The following IGF1R variants were observed in gnomAD, a reference collection of about 807,000 sequenced individuals.
IGF1R encodes insulin-like growth factor 1 receptor.
Under a neutral mutation model 144.6 loss-of-function variants are expected in IGF1R, and 44 were observed. That is an observed-to-expected ratio of 0.30 (90% CI 0.24 to 0.39). The LOEUF (loss-of-function observed/expected upper bound fraction) is 0.39. Ranked by LOEUF, IGF1R falls within the 10% of genes least tolerant of loss-of-function variation. The pLI is 1.00. For missense variants in IGF1R, 1,355 were observed against 1,833.7 expected (o/e 0.74, Z 4.77); for synonymous variants, 795 against 722.8 (o/e 1.10, Z -1.60).
intron 19 of IGF1R, among the ~76,000 whole-genome samples, chr15:98,946,569 G>T (rs2016562039): frequency 6.6e-6 from 1 of 152,198 alleles, no homozygotes; most frequent in African/African-American, 2.4e-5. Context: ...GTGAGCCTGG[G>T]TGGACAGTTC....
chr15:98,889,250 A>G (rs991324044), intron 2 of IGF1R, among the ~76,000 whole-genome samples: 6 of 152,244 alleles, frequency 3.9e-5, no homozygotes, highest in African/African-American at 1.4e-4. Context: ...TTCAAGCTTG[A>G]CAGTATCATG....
intron 1 of IGF1R, among the ~76,000 whole-genome samples, chr15:98,674,245 G>T (rs12148129): frequency 0.91 from 138,759 of 152,238 alleles, 63,583 homozygotes; most frequent in Middle Eastern, 0.97. Flanking sequence ...TGGTCATGAT[G>T]GCTTTACATA....
intron 2 of IGF1R, among the ~76,000 whole-genome samples, chr15:98,725,828 A>G (rs564748632): frequency 5.9e-5 from 9 of 152,368 alleles, no homozygotes; most frequent in Middle Eastern, 3.4e-3. Context: ...ACATGGTGGC[A>G]GCAAGAGAAA....
chr15:98,748,661 A>G (rs908062022), intron 2 of IGF1R, among the ~76,000 whole-genome samples: 2 of 152,258 alleles, frequency 1.3e-5, no homozygotes, highest in Non-Finnish European at 2.9e-5. Context: ...AATCGCTTCT[A>G]TGACTTATAA....
At chr15:98,652,381 G>A (rs1378229578) in intron 1 of IGF1R, among the ~76,000 whole-genome samples, 3 of 152,206 alleles carry the variant, frequency 2.0e-5, no homozygotes, top group Non-Finnish European at 2.9e-5. Flanking sequence ...TGAAATGTTG[G>A]TGTTTAAAGA....
rs138696883 is a variant in IGF1R, at chr15:98,957,290, G to T, written c.3952G>T (p.Asp1318Tyr). 24 of 1,613,660 alleles carry T rather than the reference G, an allele frequency of 1.5e-5. No homozygotes were observed. The highest frequency in any genetic ancestry group is 1.9e-5 in the Non-Finnish European group (22 of 1,179,828). Residue 1318 changes from aspartate to tyrosine, a missense_variant, in exon 21 of 21, where the codon GAC becomes TAC. This residue lies in a region of IGF1R where 219 missense variants were observed against 188.8 expected (regional missense o/e 1.16). Transcript: ENST00000650285. ...CTCCTCGTCCTCCCTGCCACTGCCCGACAGACACTCAGGACACAAGGCCGA... is the reference window on the plus strand; with the variant it reads ...CTCCTCGTCCTCCCTGCCACTGCCCTACAGACACTCAGGACACAAGGCCGA... ...SASSSSLPLP[D>Y]RHSGHKAENG... is the part of the protein sequence containing the mutation.
chr15:98,701,161 G>A (rs1314945555), intron 1 of IGF1R, among the ~76,000 whole-genome samples: 1 of 151,972 alleles, frequency 6.6e-6, no homozygotes, highest in Non-Finnish European at 1.5e-5. Context: ...TCTCACATAA[G>A]CCCAAAGGTT....
At chr15:98,693,444 T>G (rs12591071) in intron 1 of IGF1R, among the ~76,000 whole-genome samples, 45,387 of 151,862 alleles carry the variant, frequency 0.3, 7,218 homozygotes, top group African/African-American at 0.41. Flanking sequence ...CTGCTGTCCT[T>G]CAGCCCTGCC....
chr15:98,857,749 C>T (rs1252057037), intron 2 of IGF1R, among the ~76,000 whole-genome samples: 1 of 152,166 alleles, frequency 6.6e-6, no homozygotes, highest in African/African-American at 2.4e-5. Context: ...TGAATAGCTA[C>T]ATGTGGCTAA....
intron 2 of IGF1R, among the ~76,000 whole-genome samples, chr15:98,755,713 C>T (rs1189986904): frequency 7.7e-5 from 3 of 38,978 alleles, no homozygotes; most frequent in Non-Finnish European, 1.4e-4. Context: ...AGCAAAACTC[C>T]ATTGCAAAAA....
rs752779059 is a variant in IGF1R at position 98,653,485 on chromosome 15, GTTTTA to G, written c.94+3819_94+3823del. Among the ~76,000 whole-genome samples, 134 of 152,298 alleles carry G rather than the reference GTTTTA, an allele frequency of 8.8e-4. 3 individuals are homozygous for G. Among genetic ancestry groups the G allele is most frequent in the South Asian group, 4.1e-4 (2 of 4,824 alleles). ...AGTATTGTTGTTTCTTTTCTTTGCA[GTTTTA>G]TTTTATTTCTTACATAGTTCCAGGG... On this transcript the variant is annotated intron_variant, in intron 1 of 20. Transcript: ENST00000650285.
Position 98,961,083 on chromosome 15 carries a change from G to A in IGF1R, c.*3641G>A, listed in dbSNP as rs531131600. On this transcript the variant is annotated 3_prime_UTR_variant, in exon 21 of 21. Transcript: ENST00000650285. ...CGGCAATTCCAGCCTAAGTGAAGGC[G>A]CTCAGGAGCCTCCTGCTGGAACGCG... 1.5e-3 allele frequency: 350 copies of A among 233,510 alleles called. No individual in the cohort carries two copies. The highest frequency in any genetic ancestry group is 7.8e-3 in the South Asian group (43 of 5,530). 14.5% of individuals were successfully genotyped at this position (233,510 alleles called of 1,614,324 possible).
chr15:98,960,526 C>CA lies in IGF1R; in HGVS notation c.*3085dup, dbSNP rs993039834. 6.0e-5 allele frequency: 14 copies of CA among 233,288 alleles called. 1 individual carries two copies. The Admixed American group carries it at 7.3e-4, about 12-fold the overall frequency. 14.5% of individuals were successfully genotyped at this position (233,288 alleles called of 1,614,324 possible). On this transcript the variant is annotated 3_prime_UTR_variant, in exon 21 of 21. Transcript: ENST00000650285. ...CAGGTTCTGAGGAGAGGAAGGTGTC[C>CA]AGGCAGCACCATCTCTGTGCGAATC...
chr15:98,724,307 G>T (rs2054310869), intron 2 of IGF1R, among the ~76,000 whole-genome samples: 1 of 152,154 alleles, frequency 6.6e-6, no homozygotes, highest in Non-Finnish European at 1.5e-5. Flanking sequence ...TTTAGGTGTG[G>T]GTCCCAGAAA....
At chr15:98,719,929 A>C (rs1265678696) in intron 2 of IGF1R, among the ~76,000 whole-genome samples, 1 of 152,250 alleles carries the variant, frequency 6.6e-6, no homozygotes, top group Non-Finnish European at 1.5e-5. Context: ...ATGTGTAAGA[A>C]GGGAGTAAGT....
intron 2 of IGF1R, among the ~76,000 whole-genome samples, chr15:98,834,480 C>T (rs991002516): frequency 6.6e-6 from 1 of 152,230 alleles, no homozygotes; most frequent in Admixed American, 6.5e-5. Flanking sequence ...TTCACACTTA[C>T]TTCTGTTTTA....
chr15:98,790,560 C>A (rs1268218944), intron 2 of IGF1R, among the ~76,000 whole-genome samples: 1 of 151,970 alleles, frequency 6.6e-6, no homozygotes, highest in African/African-American at 2.4e-5. Flanking sequence ...AGCCTCTGGG[C>A]GTGTTGTTTT....
At chr15:98,787,767 CCTCAA>C (rs1354741625) in intron 2 of IGF1R, among the ~76,000 whole-genome samples, 3 of 152,178 alleles carry the variant, frequency 2.0e-5, no homozygotes, top group South Asian at 4.1e-4. Flanking sequence ...CAAATAGTAT[CCTCAA>C]CTCAGAAGGA....
chr15:98,891,940 T>A lies in IGF1R; in HGVS notation c.953+303T>A, dbSNP rs1037501748. 1.3e-4 allele frequency among the ~76,000 whole-genome samples: 20 copies of A among 152,208 alleles called. No homozygotes were observed. Among genetic ancestry groups the A allele is most frequent in the African/African-American group, 4.6e-4 (19 of 41,444 alleles). On this transcript the variant is annotated intron_variant, in intron 3 of 20. Coordinates refer to ENST00000650285, the MANE Select transcript of IGF1R (RefSeq NM_000875.5). The surrounding 1 kb of genome is among the most constrained non-coding windows in gnomAD (Gnocchi z 4.7). ...AGAGTTCATAGTCTCTCTGGGTACT[T>A]GCCAAGCTGCCATCTAAGAGACAGG...
Sources: allele counts gnomAD v4.1 joint callset (sites outside exome capture counted in the v4.1 genomes callset), GRCh38; gene constraint gnomAD v4.1.1; regional missense constraint gnomAD v4.1.1; non-coding constraint Gnocchi (gnomAD v3.1); transcripts MANE v1.5; gene names NCBI Gene and HGNC (gene_info 2026-07-23, HGNC 2026-07-21).